The following IL1RAPL1 variants were observed in gnomAD, a reference collection of about 807,000 sequenced individuals.
The protein encoded by IL1RAPL1 is interleukin-1 receptor accessory protein-like 1.
IL1RAPL1 carries 3 observed loss-of-function variants against 48.4 expected under a neutral mutation model. The observed-to-expected ratio is 0.06, with a 90% confidence interval of 0.03 to 0.16. The LOEUF (loss-of-function observed/expected upper bound fraction) is 0.16. Among genes scored for constraint, IL1RAPL1 ranks in the 10% least tolerant of loss-of-function variants. IL1RAPL1 has a pLI of 1.00. For missense variants in IL1RAPL1, 349 were observed against 530.6 expected (o/e 0.66, Z 3.36); for synonymous variants, 185 against 187.7 (o/e 0.99, Z 0.12).
chrX:29,682,381 T>A (rs1926480029), intron 6 of IL1RAPL1, among the ~76,000 whole-genome samples: 1 of 110,970 alleles, frequency 9.0e-6, no homozygotes, highest in Non-Finnish European at 1.9e-5. Context: ...TTGTACATGC[T>A]ATGCCCACCA....
At chrX:29,523,733 T>C (rs943065633) in intron 5 of IL1RAPL1, among the ~76,000 whole-genome samples, 1 of 111,759 alleles carries the variant, frequency 8.9e-6, no homozygotes, top group Admixed American at 9.5e-5. Context: ...TGATGAGCCC[T>C]GAATATATTT....
chrX:28,926,443 A>C (rs1258745416), intron 2 of IL1RAPL1, among the ~76,000 whole-genome samples: 4 of 111,233 alleles, frequency 3.6e-5, no homozygotes. Context: ...GTACTTAGTA[A>C]GAATTATTGA....
At chrX:29,099,880 G>A (rs1928296258) in intron 2 of IL1RAPL1, among the ~76,000 whole-genome samples, 1 of 110,857 alleles carries the variant, frequency 9.0e-6, no homozygotes, top group South Asian at 3.8e-4. Context: ...CTTTTATTTG[G>A]TAACTTTGTA....
At chrX:29,444,320 C>T (rs6526859) in intron 5 of IL1RAPL1, among the ~76,000 whole-genome samples, 46,024 of 98,110 alleles carry the variant, frequency 0.47, 8,620 homozygotes, top group East Asian at 0.78. Flanking sequence ...CTAGCCTGGG[C>T]GACAGAGTAA....
At chrX:29,611,796 A>T (rs1420128883) in intron 5 of IL1RAPL1, among the ~76,000 whole-genome samples, 1 of 110,632 alleles carries the variant, frequency 9.0e-6, no homozygotes, top group African/African-American at 3.3e-5. Context: ...TGAGTGATGG[A>T]GGTGGCTCTC....
intron 2 of IL1RAPL1, among the ~76,000 whole-genome samples, chrX:29,247,484 G>C (rs1267262384): frequency 9.0e-6 from 1 of 111,156 alleles, no homozygotes; most frequent in Non-Finnish European, 1.9e-5. Flanking sequence ...CAAAAAGTGA[G>C]CTTGTTAAAA....
intron 1 of IL1RAPL1, among the ~76,000 whole-genome samples, chrX:28,716,184 G>A (rs1398847021): frequency 1.8e-5 from 2 of 111,766 alleles, no homozygotes; most frequent in African/African-American, 3.3e-5. Context: ...AGGAACATAC[G>A]TCAAAATAAT....
intron 5 of IL1RAPL1, among the ~76,000 whole-genome samples, chrX:29,655,587 C>T (rs1308997455): frequency 2.1e-5 from 2 of 97,218 alleles, no homozygotes; most frequent in Non-Finnish European, 4.0e-5. Flanking sequence ...TGCTTGAACC[C>T]GGGAGACGGA....
intron 6 of IL1RAPL1, among the ~76,000 whole-genome samples, chrX:29,875,000 G>T (rs7059250): frequency 9.0e-6 from 1 of 111,251 alleles, no homozygotes; most frequent in Admixed American, 9.6e-5. Flanking sequence ...TTGTAAATTG[G>T]AGCGGTGGAT....
chrX:29,454,886 T>C (rs1234218580), intron 5 of IL1RAPL1, among the ~76,000 whole-genome samples: 1 of 109,467 alleles, frequency 9.1e-6, no homozygotes, highest in Non-Finnish European at 1.9e-5. Flanking sequence ...CAGCATCTGA[T>C]AGTTCCATGT....
intron 2 of IL1RAPL1, among the ~76,000 whole-genome samples, chrX:29,159,748 C>T (rs1324364721): frequency 3.6e-5 from 4 of 110,953 alleles, no homozygotes; most frequent in Non-Finnish European, 7.6e-5. Context: ...TTTTTTGAGA[C>T]AAAGTTTCGC....
chrX:29,444,373 A>G (rs1934587414), intron 5 of IL1RAPL1, among the ~76,000 whole-genome samples: 3 of 109,021 alleles, frequency 2.8e-5, no homozygotes, highest in Non-Finnish European at 5.7e-5. Context: ...GAAAGAAAAG[A>G]AAAGAGATAT....
At chrX:29,728,761 A>G (rs904124497) in intron 6 of IL1RAPL1, among the ~76,000 whole-genome samples, 2 of 112,563 alleles carry the variant, frequency 1.8e-5, no homozygotes, top group Non-Finnish European at 3.8e-5. Context: ...TGTTATTGTT[A>G]ACACACACTT....
intron 6 of IL1RAPL1, among the ~76,000 whole-genome samples, chrX:29,844,361 G>A (rs867094823): frequency 9.0e-6 from 1 of 111,545 alleles, no homozygotes; most frequent in Non-Finnish European, 1.9e-5. Flanking sequence ...TATGTATGAT[G>A]AGGGGTGCCA....
intron 2 of IL1RAPL1, among the ~76,000 whole-genome samples, chrX:28,952,062 A>ATAAC (rs1399935015): frequency 9.0e-6 from 1 of 111,093 alleles, no homozygotes; most frequent in Non-Finnish European, 1.9e-5. Flanking sequence ...CAGTTATACT[A>ATAAC]TAACTACAAT....
rs370878567 is a variant in IL1RAPL1, at chrX:29,915,086, T to G, written c.779-2378T>G. ...CAAGGCGGGCAGATCACGAGGTCAG[T>G]AGTTCAAGACCGGCCTGGCCAACAT... On this transcript the variant is annotated intron_variant, in intron 6 of 10. Transcript: ENST00000378993. Among the ~76,000 whole-genome samples, 63 of 110,854 alleles carry G rather than the reference T, an allele frequency of 5.7e-4. No homozygotes were observed. In the South Asian group the frequency reaches 0.022, roughly 40 times the overall value.
chrX:29,176,029 G>A (rs1332684028), intron 2 of IL1RAPL1, among the ~76,000 whole-genome samples: 2 of 108,176 alleles, frequency 1.8e-5, no homozygotes, highest in Non-Finnish European at 3.8e-5. Flanking sequence ...CAACTTGTTA[G>A]GCCTCAGCCC....
chrX:29,896,421 G>A (rs1457064240), intron 6 of IL1RAPL1, among the ~76,000 whole-genome samples: 1 of 112,382 alleles, frequency 8.9e-6, no homozygotes, highest in Admixed American at 9.4e-5. Context: ...CAGAGAAGTA[G>A]AGCAGTAGGG....
At chrX:29,184,320 A>G (rs893972088) in intron 2 of IL1RAPL1, among the ~76,000 whole-genome samples, 1 of 111,467 alleles carries the variant, frequency 9.0e-6, no homozygotes, top group Admixed American at 9.6e-5. Flanking sequence ...TGATGAGTGA[A>G]TTAAATTAAC....
Sources: allele counts gnomAD v4.1 joint callset (sites outside exome capture counted in the v4.1 genomes callset), GRCh38; gene constraint gnomAD v4.1.1; transcripts MANE v1.5; gene names NCBI Gene and HGNC (gene_info 2026-07-23, HGNC 2026-07-21).